Variants in ADARB2 observed in about 807,000 individuals in gnomAD.
ADARB2 encodes the protein inactive double-stranded RNA-specific editase B2.
In ADARB2, 25 loss-of-function variants were observed where a neutral mutation model predicts 62.2. The ratio of observed to expected loss-of-function variants is 0.40; its 90% CI spans 0.29 to 0.56. The LOEUF (loss-of-function observed/expected upper bound fraction) is 0.56. Among genes scored for constraint, ADARB2 ranks in the 20% least tolerant of loss-of-function variants. The probability of loss-of-function intolerance (pLI) is 0.43; values close to 1 mark genes in which losing one functional copy is unlikely to be tolerated. For synonymous variants in ADARB2, 572 were observed against 500.8 expected, an observed-to-expected ratio of 1.14 and a Z score of -1.90; for missense variants, 1,071 against 1,077.4, an observed-to-expected ratio of 0.99 and a Z score of 0.08.
chr10:1,312,043 C>T lies in ADARB2; in HGVS notation c.1078-40974G>A, dbSNP rs146587346. On this transcript the variant is annotated intron_variant, in intron 3 of 9. Coordinates refer to ENST00000381312, the MANE Select transcript of ADARB2 (RefSeq NM_018702.4). ...TTCACGAGCACTACCGGAGTAGCAT[C>T]TGTCGCTCAAATAAACTCATGTGAA... Among the ~76,000 whole-genome samples the T allele has an allele frequency of 2.7e-3, 413 of 152,350 alleles. 3 individuals are homozygous for T. Among genetic ancestry groups the T allele is most frequent in the African/African-American group, 9.4e-3 (391 of 41,578 alleles).
rs1331637209 is a variant in ADARB2, at chr10:1,185,022, C to T, written c.1882G>A (p.Ala628Thr). ...GGGGGCGACTTCCCCGGCTGGCGCGCCTCGGCGTCACTCACGCCTGTCGGG... is the reference window on the plus strand; with the variant it reads ...GGGGGCGACTTCCCCGGCTGGCGCGTCTCGGCGTCACTCACGCCTGTCGGG... ...PLLSGVSDAE[A>T]RQPGKSPPFS... Residue 628 changes from alanine (A) to threonine (T), a missense_variant, in exon 9 of 10, where the codon GCG (alanine) becomes ACG (threonine). By Grantham distance (58) the Ala-to-Thr change is moderately conservative. Transcript: ENST00000381312. The T allele has an allele frequency of 2.5e-6, 4 of 1,612,656 alleles. No individual in the cohort carries two copies. The highest frequency in any genetic ancestry group is 4.5e-5 in the East Asian group (2 of 44,864).
chr10:1,670,794 C>T (rs547451045), intron 1 of ADARB2, among the ~76,000 whole-genome samples: 22 of 152,290 alleles, frequency 1.4e-4, no homozygotes, highest in African/African-American at 4.8e-4. Flanking sequence ...TGCTTCTCAA[C>T]GCGGCCCTGC....
rs113620331 is a variant in ADARB2, at chr10:1,405,939, G to A, written c.101-26779C>T. ...GATACACCCGTTTATTAAACCCTTCGCCAAGATACACCTGTTTATTAAACC... is the reference window on the plus strand; with the variant it reads ...GATACACCCGTTTATTAAACCCTTCACCAAGATACACCTGTTTATTAAACC... On this transcript the variant is annotated intron_variant, in intron 1 of 9. Transcript: ENST00000381312. Among the ~76,000 whole-genome samples, 11 of 150,626 alleles carry A rather than the reference G, an allele frequency of 7.3e-5. No homozygotes were observed. The East Asian group carries it at 1.2e-3, about 16-fold the overall frequency.
At chr10:1,215,474 C>G (rs1017926025) in intron 7 of ADARB2, among the ~76,000 whole-genome samples, 1 of 152,228 alleles carries the variant, frequency 6.6e-6, no homozygotes, top group African/African-American at 2.4e-5. Context: ...CTTCCTGGCC[C>G]TCCCCACTCA....
chr10:1,709,111 T>C (rs1455069745), intron 1 of ADARB2, among the ~76,000 whole-genome samples: 1 of 152,220 alleles, frequency 6.6e-6, no homozygotes, highest in Non-Finnish European at 1.5e-5. Context: ...TATTTCCTGC[T>C]CTAGTGCTGA....
chr10:1,329,351 A>AAATG (rs1831906442), intron 3 of ADARB2, among the ~76,000 whole-genome samples: 1 of 152,232 alleles, frequency 6.6e-6, no homozygotes, highest in Non-Finnish European at 1.5e-5. Flanking sequence ...TTAAGAGTTT[A>AAATG]AATGATTAAA....
intron 3 of ADARB2, among the ~76,000 whole-genome samples, chr10:1,303,970 T>C (rs1197375986): frequency 1.1e-4 from 16 of 152,070 alleles, no homozygotes; most frequent in African/African-American, 3.9e-4. Context: ...CATCAACTAA[T>C]GAGCAAAATA....
At chr10:1,619,146 T>C (rs1449840233) in intron 1 of ADARB2, among the ~76,000 whole-genome samples, 2 of 152,318 alleles carry the variant, frequency 1.3e-5, no homozygotes, top group South Asian at 2.1e-4. Flanking sequence ...AATCCAGCCA[T>C]ATCATTAGTT....
At chr10:1,245,541 T>A (rs1830977729) in intron 4 of ADARB2, among the ~76,000 whole-genome samples, 3 of 141,314 alleles carry the variant, frequency 2.1e-5, no homozygotes, top group South Asian at 2.4e-4. Flanking sequence ...CCTGTGTGCA[T>A]GTGTTCTCAT....
At chr10:1,526,726 C>A in intron 1 of ADARB2, 1 of 367,714 alleles carries the variant, frequency 2.7e-6, no homozygotes, top group South Asian at 2.0e-5. Flanking sequence ...AATCACCCAG[C>A]CTCGGGTGTT....
chr10:1,582,433 G>C (rs117863632), intron 1 of ADARB2, among the ~76,000 whole-genome samples: 1 of 152,152 alleles, frequency 6.6e-6, no homozygotes, highest in Non-Finnish European at 1.5e-5. Context: ...ATCCATCCTC[G>C]TGCTGCCCTG....
intron 1 of ADARB2, among the ~76,000 whole-genome samples, chr10:1,632,417 C>T (rs548897142): frequency 2.6e-5 from 4 of 152,086 alleles, no homozygotes; most frequent in Admixed American, 2.6e-4. Flanking sequence ...ACACATTATA[C>T]ATGGGCACAC....
intron 1 of ADARB2, among the ~76,000 whole-genome samples, chr10:1,654,422 C>G (rs1299275024): frequency 6.6e-6 from 1 of 152,200 alleles, no homozygotes; most frequent in Admixed American, 6.5e-5. Flanking sequence ...TTCCTGGAGA[C>G]CACCTAGACC....
chr10:1,184,315 A>T (rs147184050), intron 9 of ADARB2, among the ~76,000 whole-genome samples: 26 of 152,332 alleles, frequency 1.7e-4, no homozygotes, highest in Admixed American at 3.9e-4. Context: ...TTGGAAATGC[A>T]TACAGATACA....
At chr10:1,694,901 G>T (rs111537506) in intron 1 of ADARB2, among the ~76,000 whole-genome samples, 1 of 152,208 alleles carries the variant, frequency 6.6e-6, no homozygotes, top group African/African-American at 2.4e-5. Context: ...CCTGAGCCAC[G>T]TGCATCCTGG....
rs1351868835 is a variant in ADARB2 at position 1,242,187 on chromosome 10, G to T, written c.1305C>A (p.Val435=). Residue 435 remains valine, a synonymous_variant, in exon 5 of 10, where the codon GTC becomes GTA. Transcript: ENST00000381312. ...GLVVNDCHAE[V]VARRAFLHFL... The stretch of plus-strand genomic sequence containing the variant: ...AGTGCAGGAACGCCCGCCGGGCCAC[G>T]ACCTCCGCGTGGCAGTCATTCACCA... The T allele has an allele frequency of 1.9e-6, 3 of 1,610,606 alleles. No homozygotes were observed. The highest frequency in any genetic ancestry group is 4.5e-5 in the East Asian group (2 of 44,784).
In ADARB2 at chr10:1,337,561, C is replaced by A. The variant is rs546154905; in HGVS notation, c.1077+25467G>T. Among the ~76,000 whole-genome samples, 192 of 152,272 alleles carry A rather than the reference C, an allele frequency of 1.3e-3. 2 individuals are homozygous for A. Among genetic ancestry groups the A allele is most frequent in the African/African-American group, 4.4e-3 (183 of 41,566 alleles). ...GCAGACCGAGAAAGTGTAATTTTTT[C>A]TGGAGAGAAGTTTTGTGGTCTTCTG... On this transcript the variant is annotated intron_variant, in intron 3 of 9. Transcript: ENST00000381312.
At chr10:1,603,031 T>C (rs1002387644) in intron 1 of ADARB2, among the ~76,000 whole-genome samples, 15 of 144,946 alleles carry the variant, frequency 1.0e-4, no homozygotes, top group African/African-American at 3.9e-4. Context: ...CACACATCAA[T>C]ATAAACACAC....
At chr10:1,627,971 C>T (rs533231060) in intron 1 of ADARB2, among the ~76,000 whole-genome samples, 15 of 152,184 alleles carry the variant, frequency 9.9e-5, no homozygotes, top group Non-Finnish European at 2.1e-4. Flanking sequence ...ACAGGTCTGC[C>T]CCGTCTGAAA....
Sources: allele counts gnomAD v4.1 joint callset (sites outside exome capture counted in the v4.1 genomes callset), GRCh38; gene constraint gnomAD v4.1.1; transcripts MANE v1.5; gene names NCBI Gene and HGNC (gene_info 2026-07-23, HGNC 2026-07-21).